The following FOXN4 variants were observed in gnomAD, a reference collection of about 807,000 sequenced individuals.
FOXN4 encodes forkhead box protein N4.
In FOXN4, 12 loss-of-function variants were observed where a neutral mutation model predicts 45.0. That is an observed-to-expected ratio of 0.27 (90% CI 0.17 to 0.43). FOXN4 has a LOEUF of 0.43. Ranked by LOEUF, FOXN4 falls within the 20% of genes least tolerant of loss-of-function variation. The pLI is 1.00. For synonymous variants in FOXN4, 297 were observed against 295.0 expected (o/e 1.01, Z -0.07); for missense variants, 560 against 694.9 (o/e 0.81, Z 2.18).
In FOXN4 at chr12:109,284,099, TG is replaced by T. The variant is rs1171538080; in HGVS notation, c.901+1204del. ...ATCCATTATATACGAAGCTCTCTAT[TG>T]TTCCACATCCTAGCCCACACTGAGT... On this transcript the variant is annotated intron_variant, in intron 8 of 9. Transcript: ENST00000299162. 2.6e-5 allele frequency among the ~76,000 whole-genome samples: 4 copies of T among 152,376 alleles called. No homozygotes were observed. The East Asian group carries it at 7.7e-4, about 29-fold the overall frequency.
At chr12:109,308,180 T>A in intron 2 of FOXN4, 56 bp downstream of exon 2, 1 of 1,387,622 alleles carries the variant, frequency 7.2e-7, no homozygotes, top group Non-Finnish European at 9.9e-7. Context: ...ATAAACAGCA[T>A]ACAAACACTT....
At chr12:109,284,876 G>A (rs1212466742) in intron 8 of FOXN4, among the ~76,000 whole-genome samples, 1 of 150,232 alleles carries the variant, frequency 6.7e-6, no homozygotes, top group Non-Finnish European at 1.5e-5. Context: ...CTGCGTGTGT[G>A]TGTGCACGCA....
At position 109,284,778 on chromosome 12, in the gene FOXN4, T is replaced by C. The variant is rs571976170; in HGVS notation, c.901+526A>G. Among the ~76,000 whole-genome samples the C allele has an allele frequency of 1.3e-3, 195 of 144,942 alleles. 1 individual carries two copies. The highest frequency in any genetic ancestry group is 4.8e-3 in the African/African-American group (187 of 39,004). ...GTGTGTGTTTGTGCATTTGTGTGCA[T>C]TTGTGTGTGTGCGCACATGCTGTGG... On this transcript the variant is annotated intron_variant, in intron 8 of 9. Transcript: ENST00000299162.
At chr12:109,281,022 C>T (rs1159788100) in intron 9 of FOXN4, among the ~76,000 whole-genome samples, 3 of 152,190 alleles carry the variant, frequency 2.0e-5, no homozygotes, top group Non-Finnish European at 4.4e-5. Context: ...CCTCAGTTTC[C>T]TCATTGGCAG....
At chr12:109,308,399 C>A in intron 1 of FOXN4, 75 bp from the exon 2 acceptor site, 1 of 996,798 alleles carries the variant, frequency 1.0e-6, no homozygotes, top group South Asian at 1.8e-5. Flanking sequence ...ACAGTTTTCC[C>A]GCAATTCAGA....
rs934079817 is a variant in FOXN4, at chr12:109,290,437, G to A, written c.87-151C>T. Among the ~76,000 whole-genome samples the A allele has an allele frequency of 6.6e-5, 10 of 152,168 alleles. No individual in the cohort carries two copies. Among genetic ancestry groups the A allele is most frequent in the Non-Finnish European group, 1.0e-4 (7 of 68,028 alleles). On this transcript the variant is annotated intron_variant, in intron 2 of 9. Transcript: ENST00000299162. This position sits in a 1 kb window ranked among gnomAD's most constrained non-coding sequence, Gnocchi z 5.1. Reference sequence around the variant, plus strand: ...CCTGCCCGTCCCCAGGACTGGACACGGGAACCTGGTCCCAGATCCCTTTCG... The same window carrying A: ...CCTGCCCGTCCCCAGGACTGGACACAGGAACCTGGTCCCAGATCCCTTTCG...
In FOXN4 at chr12:109,287,946, C is replaced by A. The variant is rs1264086210; in HGVS notation, c.366G>T (p.Gln122His). ...PITGHRDSMS[Q>H]FPVGGQPSSG... ...ATGAGGGCTGGCCCCCCACGGGGAA[C>A]TGGCTCATCTGCTGGGCAGGAAGAG... is the stretch of plus-strand genomic sequence containing the variant. The change falls in exon 5 of 10, where the codon CAG becomes CAT. Residue 122 changes from glutamine to histidine, a missense_variant. Physicochemically the swap from Gln to His is conservative, Grantham distance 24 (BLOSUM62 0). This residue lies in a region of FOXN4 where 142 missense variants were observed against 185.7 expected (regional missense o/e 0.76). Coordinates refer to ENST00000299162, the MANE Select transcript of FOXN4 (RefSeq NM_213596.3). This position sits in a 1 kb window ranked among gnomAD's most constrained non-coding sequence, Gnocchi z 4.1. 1 of 1,549,728 alleles carries A rather than the reference C, an allele frequency of 6.5e-7. No homozygotes were observed. The highest frequency in any genetic ancestry group is 2.4e-5 in the East Asian group (1 of 40,906).
intron 3 of FOXN4, among the ~76,000 whole-genome samples, chr12:109,289,853 C>T (rs1252717577): frequency 1.3e-5 from 2 of 152,212 alleles, no homozygotes; most frequent in African/African-American, 2.4e-5. Flanking sequence ...ATTTGGCCCA[C>T]GGGCTGTAGT....
At chr12:109,281,341 T>C (rs2047649773) in intron 9 of FOXN4, 66 bp downstream of exon 9, 7 of 1,579,324 alleles carry the variant, frequency 4.4e-6, no homozygotes, top group Non-Finnish European at 6.0e-6. Flanking sequence ...TCTCCCTCAC[T>C]CCCTTTGGCC....
chr12:109,281,619 A>G lies in FOXN4; in HGVS notation c.1082T>C (p.Leu361Pro). Residue 361 changes from leucine (L) to proline (P), a missense_variant, in exon 9 of 10, where the codon CTG becomes CCG. Leu to Pro is a moderately conservative substitution (Grantham distance 98, BLOSUM62 -3). This residue lies in a region of FOXN4 where 315 missense variants were observed against 350.5 expected (regional missense o/e 0.90). Coordinates refer to ENST00000299162, the MANE Select transcript of FOXN4 (RefSeq NM_213596.3). ...LMTLSLQSVP[L>P]HHQVQPQAHL... ...TGCCTGGGGCTGGACCTGGTGGTGC[A>G]GGGGGACTGACTGCAGGGACAGGGT... The G allele has an allele frequency of 6.2e-7, 1 of 1,609,904 alleles. No individual in the cohort carries two copies. Among genetic ancestry groups the G allele is most frequent in the Non-Finnish European group, 8.5e-7 (1 of 1,178,198 alleles).
intron 2 of FOXN4, among the ~76,000 whole-genome samples, chr12:109,300,073 T>C (rs189445364): frequency 6.6e-6 from 1 of 152,238 alleles, no homozygotes; most frequent in Non-Finnish European, 1.5e-5. Flanking sequence ...CGAGGTATGG[T>C]GAGGATTGAA....
At chr12:109,304,293 A>G (rs1462860145) in intron 2 of FOXN4, among the ~76,000 whole-genome samples, 63 of 44,352 alleles carry the variant, frequency 1.4e-3, no homozygotes, top group Non-Finnish European at 1.3e-3. Context: ...GAAAGAAAGA[A>G]AGGAGAAAGA....
Position 109,282,607 on chromosome 12 carries a change from G to A in FOXN4, c.902-808C>T, listed in dbSNP as rs868447695. Among the ~76,000 whole-genome samples, 5 of 152,138 alleles carry A rather than the reference G, an allele frequency of 3.3e-5. 1 individual carries two copies. Among genetic ancestry groups the A allele is most frequent in the Admixed American group, 1.3e-4 (2 of 15,276 alleles). Reference sequence around the variant, plus strand: ...GCGATTACAAATCCCATAAGACTGGGACAAAATGTATTAACATGCAAGGGG... The same window carrying A: ...GCGATTACAAATCCCATAAGACTGGAACAAAATGTATTAACATGCAAGGGG... On this transcript the variant is annotated intron_variant, in intron 8 of 9. Coordinates refer to ENST00000299162, the MANE Select transcript of FOXN4 (RefSeq NM_213596.3).
intron 2 of FOXN4, among the ~76,000 whole-genome samples, chr12:109,295,329 G>C (rs2047807098): frequency 6.6e-6 from 1 of 152,196 alleles, no homozygotes; most frequent in Non-Finnish European, 1.5e-5. Flanking sequence ...CCACTGCCCT[G>C]GGCTCTCCTC....
Position 109,288,282 on chromosome 12 carries a change from C to T in FOXN4, c.233-102G>A. On this transcript the variant is annotated intron_variant, in intron 3 of 9. Coordinates refer to ENST00000299162, the MANE Select transcript of FOXN4 (RefSeq NM_213596.3). The surrounding 1 kb of genome is among the most constrained non-coding windows in gnomAD (Gnocchi z 4.3). Reference sequence around the variant, plus strand: ...TGTCTCCGGAGAACGGAGCCAGCCCCTTTCCTCGGACCAGGCACATAGTAG... The same window carrying T: ...TGTCTCCGGAGAACGGAGCCAGCCCTTTTCCTCGGACCAGGCACATAGTAG... 6.9e-7 allele frequency: 1 copy of T among 1,458,388 alleles called. No individual in the cohort carries two copies. The highest frequency in any genetic ancestry group is 9.1e-7 in the Non-Finnish European group (1 of 1,104,328). 90.3% of individuals were successfully genotyped at this position (1,458,388 alleles called of 1,614,324 possible).
chr12:109,297,081 G>A (rs140118612), intron 2 of FOXN4, among the ~76,000 whole-genome samples: 2 of 152,200 alleles, frequency 1.3e-5, no homozygotes, highest in Admixed American at 6.5e-5. Flanking sequence ...GACTGGGTTG[G>A]CCACAACAAC....
rs267603292 is a variant in FOXN4, at chr12:109,281,776, C to T, written c.925G>A (p.Asp309Asn). 2.3e-5 allele frequency: 36 copies of T among 1,589,198 alleles called. No homozygotes were observed. The highest frequency in any genetic ancestry group is 2.2e-4 in the Middle Eastern group (1 of 4,576). The change falls in exon 9 of 10, where the codon GAC becomes AAC. Residue 309 changes from aspartate (D) to asparagine (N), a missense_variant. By Grantham distance (23) the Asp-to-Asn change is conservative. Transcript: ENST00000299162. ...NPEELDKLIS[D>N]RPESCRRPGK... is the part of the protein sequence containing the mutation. Reference sequence around the variant, plus strand: ...GGGCGCCGGCAGCTTTCAGGCCGGTCGGAGATCAGCTTGTCCAACTCCTCT... The same window carrying T: ...GGGCGCCGGCAGCTTTCAGGCCGGTTGGAGATCAGCTTGTCCAACTCCTCT...
In FOXN4 at chr12:109,287,524, A is replaced by T; in HGVS notation, c.469T>A (p.Cys157Ser). Residue 157 changes from cysteine to serine, a missense_variant and splice_region_variant, in exon 6 of 10, where the codon TGC becomes AGC. Around this residue, in one of 5 missense-constraint regions of FOXN4, gnomAD observed 61 missense variants for 59.8 expected, o/e 1.02. Transcript: ENST00000299162. The surrounding 1 kb of genome is among the most constrained non-coding windows in gnomAD (Gnocchi z 4.1). The stretch of plus-strand genomic sequence containing the variant: ...GGGCCATAGAGGCCCACAGGAGGGC[A>T]CTTCCCACAGGCAGGGGCAGGGAGA... ...QFPLPPGAQQ[C>S]PPVGLYGPPF... 1 of 1,525,194 alleles carries T rather than the reference A, an allele frequency of 6.6e-7. No individual in the cohort carries two copies. The allele number at this position is 1,525,194 out of a possible 1,614,324, so 94.5% of individuals were successfully genotyped here.
intron 8 of FOXN4, among the ~76,000 whole-genome samples, chr12:109,282,476 A>ACTAGC (rs2047662162): frequency 1.3e-5 from 2 of 151,938 alleles, no homozygotes; most frequent in Non-Finnish European, 2.9e-5. Flanking sequence ...AGATAATAAC[A>ACTAGC]CTAGCCCCTT....
Sources: gnomAD v4.1 joint callset for allele counts (sites outside exome capture counted in the v4.1 genomes callset) on GRCh38, gnomAD v4.1.1 for gene constraint, gnomAD v4.1.1 regional missense constraint, Gnocchi (gnomAD v3.1) non-coding constraint, MANE v1.5 for transcripts, NCBI Gene and HGNC (gene_info 2026-07-23, HGNC 2026-07-21) for gene names.